Variants in NTNG1 observed in about 807,000 individuals in gnomAD.
NTNG1 encodes netrin G1.
Under a neutral mutation model 54.0 loss-of-function variants are expected in NTNG1, and 16 were observed. The ratio of observed to expected loss-of-function variants is 0.30; its 90% CI spans 0.20 to 0.45. The LOEUF is 0.45. NTNG1 is among the 20% of genes least tolerant of loss of function. The probability of loss-of-function intolerance (pLI) is 1.00; values close to 1 mark genes in which losing one functional copy is unlikely to be tolerated. For synonymous variants in NTNG1, 255 were observed against 263.1 expected (o/e 0.97, Z 0.30); for missense variants, 530 against 678.7 (o/e 0.78, Z 2.43).
Position 107,407,698 on chromosome 1 carries a change from C to T in NTNG1, c.1077C>T (p.Ser359=), listed in dbSNP as rs1193404015. ...GTANTCIPSI[S]SIGNCECFGH... is the part of the protein sequence containing the mutation. ...TTTCTCCAGGTATCCCCAGTATTTC[C>T]AGTATTGGTAGTAAGTAAAAACAAA... Residue 359 remains serine, a synonymous_variant, in exon 5 of 8, where the codon TCC becomes TCT. Coordinates refer to ENST00000370068, the MANE Select transcript of NTNG1 (RefSeq NM_001113226.3). 2 of 1,606,858 alleles carry T rather than the reference C, an allele frequency of 1.2e-6. No individual in the cohort carries two copies. The highest frequency in any genetic ancestry group is 1.7e-6 in the Non-Finnish European group (2 of 1,175,942).
At chr1:107,392,439 G>A (rs1672419118) in intron 3 of NTNG1, among the ~76,000 whole-genome samples, 1 of 152,054 alleles carries the variant, frequency 6.6e-6, no homozygotes, top group Non-Finnish European at 1.5e-5. Context: ...GGCTGTGCTA[G>A]GCCAGAACCC....
chr1:107,179,502 A>T (rs977031598), intron 2 of NTNG1, among the ~76,000 whole-genome samples: 3 of 152,050 alleles, frequency 2.0e-5, no homozygotes, highest in African/African-American at 7.2e-5. Context: ...TGACAATACA[A>T]ATTATTTTTA....
intron 7 of NTNG1, among the ~76,000 whole-genome samples, chr1:107,438,225 G>A (rs1275888924): frequency 6.6e-6 from 1 of 152,128 alleles, no homozygotes; most frequent in African/African-American, 2.4e-5. Context: ...TTGAAATTTT[G>A]GCATTGAGCA....
At chr1:107,405,264 T>C (rs894904) in intron 4 of NTNG1, among the ~76,000 whole-genome samples, 3,179 of 152,296 alleles carry the variant, frequency 0.021, 119 homozygotes, top group East Asian at 0.17. Flanking sequence ...GGTGTTCAGA[T>C]ATTTTCAACT....
chr1:107,258,454 A>C (rs1322925364), intron 2 of NTNG1, among the ~76,000 whole-genome samples: 1 of 152,216 alleles, frequency 6.6e-6, no homozygotes, highest in Non-Finnish European at 1.5e-5. Context: ...AAAAAAATAA[A>C]AGAAGTTGGA....
At chr1:107,142,964 A>C (rs1383968979) in intron 1 of NTNG1, 1 of 152,170 alleles carries the variant, frequency 6.6e-6, no homozygotes, top group Non-Finnish European at 1.5e-5. Context: ...AAGATAAGCA[A>C]CTTTCGATTT....
intron 7 of NTNG1, among the ~76,000 whole-genome samples, chr1:107,466,893 T>C (rs572543496): frequency 1.3e-5 from 2 of 152,354 alleles, no homozygotes; most frequent in East Asian, 3.9e-4. Context: ...AATACCCTTC[T>C]GCATGCCCGT....
chr1:107,239,387 C>T (rs1661659984), intron 2 of NTNG1, among the ~76,000 whole-genome samples: 1 of 152,184 alleles, frequency 6.6e-6, no homozygotes. Context: ...ACAGGTTTGA[C>T]ATCTCATTTT....
chr1:107,419,695 T>C (rs1036381493), intron 5 of NTNG1, among the ~76,000 whole-genome samples: 2 of 150,020 alleles, frequency 1.3e-5, no homozygotes, highest in Non-Finnish European at 3.0e-5. Flanking sequence ...TTTTAAACTC[T>C]AATGAATACA....
intron 2 of NTNG1, among the ~76,000 whole-genome samples, chr1:107,184,481 A>C (rs2101148929): frequency 6.6e-6 from 1 of 152,226 alleles, no homozygotes; most frequent in African/African-American, 2.4e-5. Context: ...TCCTGCCGAA[A>C]GTAGTTCATG....
At chr1:107,361,372 TAC>T (rs1289276641) in intron 3 of NTNG1, among the ~76,000 whole-genome samples, 3 of 63,758 alleles carry the variant, frequency 4.7e-5, no homozygotes, top group East Asian at 4.2e-4. Flanking sequence ...TATATATATA[TAC>T]ATATATATAT....
intron 4 of NTNG1, among the ~76,000 whole-genome samples, chr1:107,403,360 T>C (rs1421963618): frequency 5.9e-5 from 9 of 152,124 alleles, no homozygotes; most frequent in Admixed American, 5.9e-4. Flanking sequence ...GACATTTCTG[T>C]TCTAGAAGAA....
Position 107,252,559 on chromosome 1 carries a change from C to A in NTNG1, c.247-71723C>A, listed in dbSNP as rs533229192. Among the ~76,000 whole-genome samples, 71 of 152,308 alleles carry A rather than the reference C, an allele frequency of 4.7e-4. No homozygotes were observed. In the South Asian group the frequency reaches 0.015, roughly 31 times the overall value. ...GCTTCTGGGTTCTTTCCCTAGTTCTCTTAGCAGACTGACTTTCTCTGCTCA... is the reference window on the plus strand; with the variant it reads ...GCTTCTGGGTTCTTTCCCTAGTTCTATTAGCAGACTGACTTTCTCTGCTCA... On this transcript the variant is annotated intron_variant, in intron 2 of 7. Coordinates refer to ENST00000370068, the MANE Select transcript of NTNG1 (RefSeq NM_001113226.3).
chr1:107,385,470 T>C (rs1294026546), intron 3 of NTNG1, among the ~76,000 whole-genome samples: 1 of 152,088 alleles, frequency 6.6e-6, no homozygotes, highest in African/African-American at 2.4e-5. Context: ...ACAGACGCCA[T>C]GCCTGCTAAT....
intron 3 of NTNG1, among the ~76,000 whole-genome samples, chr1:107,383,090 G>C (rs1671745356): frequency 6.6e-6 from 1 of 152,168 alleles, no homozygotes; most frequent in African/African-American, 2.4e-5. Context: ...AAAATTCTTA[G>C]TCATAGAGCT....
chr1:107,342,832 G>C (rs1668979700), intron 3 of NTNG1, among the ~76,000 whole-genome samples: 1 of 151,988 alleles, frequency 6.6e-6, no homozygotes, highest in Admixed American at 6.6e-5. Flanking sequence ...CTAAAATTGT[G>C]TTCAGGGATT....
chr1:107,427,077 C>T (rs566673016), intron 5 of NTNG1, among the ~76,000 whole-genome samples: 3 of 152,090 alleles, frequency 2.0e-5, no homozygotes, highest in South Asian at 4.2e-4. Flanking sequence ...TAGGATTCTC[C>T]TACAGGATCT....
chr1:107,329,566 C>G (rs890204946), intron 3 of NTNG1, among the ~76,000 whole-genome samples: 1 of 152,088 alleles, frequency 6.6e-6, no homozygotes, highest in Non-Finnish European at 1.5e-5. Context: ...TGAAGGTTCC[C>G]TAAGTCTTTT....
At chr1:107,321,010 A>C (rs1239138275) in intron 2 of NTNG1, among the ~76,000 whole-genome samples, 1 of 152,122 alleles carries the variant, frequency 6.6e-6, no homozygotes, top group Admixed American at 6.6e-5. Flanking sequence ...TCCTCTGATC[A>C]TCTCCGGTGT....
Sources: gnomAD v4.1 joint callset for allele counts (sites outside exome capture counted in the v4.1 genomes callset) on GRCh38, gnomAD v4.1.1 for gene constraint, MANE v1.5 for transcripts, NCBI Gene and HGNC (gene_info 2026-07-23, HGNC 2026-07-21) for gene names.